Variants in ZC3H12B observed in about 807,000 individuals in gnomAD.
ZC3H12B encodes the protein probable ribonuclease ZC3H12B.
In ZC3H12B, 7 loss-of-function variants were observed where a neutral mutation model predicts 43.9. The ratio of observed to expected loss-of-function variants is 0.16; its 90% CI spans 0.09 to 0.30. The LOEUF (loss-of-function observed/expected upper bound fraction) is 0.30. Ranked by LOEUF, ZC3H12B falls within the 10% of genes least tolerant of loss-of-function variation. ZC3H12B has a pLI of 1.00. For missense variants in ZC3H12B, 475 were observed against 670.2 expected (o/e 0.71, Z 3.22); for synonymous variants, 222 against 241.7 (o/e 0.92, Z 0.76).
the ZC3H12B span, among the ~76,000 whole-genome samples, chrX:65,291,632 A>G: frequency 8.9e-6 from 1 of 112,019 alleles, no homozygotes; most frequent in African/African-American, 3.2e-5. Context: ...GGTGGTTGCT[A>G]AGGAGTGGGT....
chrX:65,219,851 C>A, the ZC3H12B span, among the ~76,000 whole-genome samples: 11 of 104,435 alleles, frequency 1.1e-4, no homozygotes, highest in East Asian at 1.2e-3. Context: ...CACACACACA[C>A]AAAACACCTG....
At chrX:65,236,304 T>G in the ZC3H12B span, among the ~76,000 whole-genome samples, 1 of 112,073 alleles carries the variant, frequency 8.9e-6, no homozygotes, top group Non-Finnish European at 1.9e-5. Flanking sequence ...CAGTCACTGA[T>G]GTTTAGCTTT....
At chrX:65,407,131 G>C (rs2066838904) in intron 3 of ZC3H12B, among the ~76,000 whole-genome samples, 2 of 113,007 alleles carry the variant, frequency 1.8e-5, no homozygotes, top group South Asian at 3.6e-4. Context: ...AAAGAAGACC[G>C]AGGAAGAAAA....
At chrX:65,061,547 T>G in the ZC3H12B span, among the ~76,000 whole-genome samples, 9 of 112,639 alleles carry the variant, frequency 8.0e-5, no homozygotes, top group Admixed American at 5.6e-4. Flanking sequence ...GTGCTGCATT[T>G]TCTTTATCCA....
chrX:65,183,802 A>G, the ZC3H12B span, among the ~76,000 whole-genome samples: 6 of 111,619 alleles, frequency 5.4e-5, no homozygotes, highest in Admixed American at 9.6e-5. Context: ...TACCTAATAT[A>G]TAGTAAATGC....
At chrX:65,399,147 T>G (rs1306245891) in intron 3 of ZC3H12B, among the ~76,000 whole-genome samples, 1 of 112,345 alleles carries the variant, frequency 8.9e-6, no homozygotes, top group Non-Finnish European at 1.9e-5. Flanking sequence ...CACTATTAAG[T>G]GCTATTTATT....
the ZC3H12B span, among the ~76,000 whole-genome samples, chrX:65,143,469 A>G: frequency 3.7e-5 from 4 of 109,401 alleles, no homozygotes; most frequent in African/African-American, 1.0e-4. Flanking sequence ...TTTTTTTAAT[A>G]TTGTTTATGT....
chrX:65,438,509 G>A (rs932306366), intron 3 of ZC3H12B, among the ~76,000 whole-genome samples: 1 of 112,353 alleles, frequency 8.9e-6, no homozygotes, highest in Non-Finnish European at 1.9e-5. Flanking sequence ...AGGAATTAAA[G>A]ACACACACAG....
intron 3 of ZC3H12B, among the ~76,000 whole-genome samples, chrX:65,435,794 G>C (rs1013625645): frequency 9.0e-6 from 1 of 111,678 alleles, no homozygotes; most frequent in African/African-American, 3.3e-5. Context: ...ATGTGAGCTA[G>C]AGAACCAGAG....
At chrX:65,424,294 G>C (rs932635620) in intron 3 of ZC3H12B, among the ~76,000 whole-genome samples, 1 of 111,861 alleles carries the variant, frequency 8.9e-6, no homozygotes, top group African/African-American at 3.3e-5. Context: ...CATGTGCTTT[G>C]CCTATTTTTT....
chrX:65,050,059 A>T, the ZC3H12B span, among the ~76,000 whole-genome samples: 2 of 111,335 alleles, frequency 1.8e-5, no homozygotes, highest in South Asian at 3.7e-4. Context: ...GGTTATTCAA[A>T]AGTGTGTTTT....
At chrX:65,039,115 A>C in the ZC3H12B span, among the ~76,000 whole-genome samples, 1 of 111,854 alleles carries the variant, frequency 8.9e-6, no homozygotes, top group African/African-American at 3.2e-5. Context: ...AAAGAAAATA[A>C]ATCAAACACC....
At chrX:65,212,523 T>C in the ZC3H12B span, among the ~76,000 whole-genome samples, 1 of 73,563 alleles carries the variant, frequency 1.4e-5, no homozygotes, top group Non-Finnish European at 2.3e-5. Flanking sequence ...ATATTTTTAT[T>C]ATATTACATA....
At chrX:65,504,928 C>T (rs2068410491) in exon 5 of ZC3H12B, 2 of 112,446 alleles carry the variant, frequency 1.8e-5, no homozygotes, top group African/African-American at 6.5e-5. Context: ...GGCTCAGTTA[C>T]TCACTTTAAA....
At chrX:65,153,615 C>CT in the ZC3H12B span, among the ~76,000 whole-genome samples, 11 of 111,930 alleles carry the variant, frequency 9.8e-5, no homozygotes, top group African/African-American at 3.6e-4. Context: ...AATAGGAACA[C>CT]TTTTACACTG....
chrX:65,468,618 G>A (rs1298043215), intron 3 of ZC3H12B, among the ~76,000 whole-genome samples: 8 of 103,866 alleles, frequency 7.7e-5, no homozygotes, highest in Non-Finnish European at 1.4e-4. Flanking sequence ...TGAGTAGCTG[G>A]GACTACAGGT....
chrX:65,343,907 G>C, the ZC3H12B span, among the ~76,000 whole-genome samples: 5 of 111,665 alleles, frequency 4.5e-5, no homozygotes, highest in Non-Finnish European at 9.5e-5. Flanking sequence ...AGATGATATG[G>C]TTATACATCT....
chrX:65,426,631 C>T (rs1326492228), intron 3 of ZC3H12B, among the ~76,000 whole-genome samples: 1 of 111,279 alleles, frequency 9.0e-6, no homozygotes, highest in African/African-American at 3.3e-5. Flanking sequence ...CCTCTTAACA[C>T]TGACTTAGCT....
At chrX:65,301,272 A>G in the ZC3H12B span, among the ~76,000 whole-genome samples, 1 of 111,898 alleles carries the variant, frequency 8.9e-6, no homozygotes, top group Non-Finnish European at 1.9e-5. Flanking sequence ...GGAAAGTTGT[A>G]TGGAGATTTA....
Sources: gnomAD v4.1 joint callset for allele counts (sites outside exome capture counted in the v4.1 genomes callset) on GRCh38, gnomAD v4.1.1 for gene constraint, MANE v1.5 for transcripts, NCBI Gene and HGNC (gene_info 2026-07-23, HGNC 2026-07-21) for gene names.